Variants in PPARA observed in about 807,000 individuals in gnomAD.
The protein encoded by PPARA is peroxisome proliferator activated receptor alpha.
A neutral mutation model predicts 42.2 loss-of-function variants in PPARA; 22 were observed. That is an observed-to-expected ratio of 0.52 (90% CI 0.37 to 0.74). PPARA has a LOEUF of 0.74. PPARA is among the 30% of genes least tolerant of loss of function. The probability of loss-of-function intolerance (pLI) is 0.00; values close to 1 mark genes in which losing one functional copy is unlikely to be tolerated. For synonymous variants in PPARA, 242 were observed against 239.3 expected (o/e 1.01, Z -0.10); for missense variants, 465 against 608.2 (o/e 0.76, Z 2.48).
chr22:46,223,020 C>A (rs1935119164), intron 7 of PPARA, among the ~76,000 whole-genome samples: 1 of 152,138 alleles, frequency 6.6e-6, no homozygotes, highest in Non-Finnish European at 1.5e-5. Flanking sequence ...ATTATCCAGG[C>A]ATGGTGGCAC....
At chr22:46,220,878 G>A (rs756666157) in intron 7 of PPARA, among the ~76,000 whole-genome samples, 1 of 151,994 alleles carries the variant, frequency 6.6e-6, no homozygotes, top group Non-Finnish European at 1.5e-5. Flanking sequence ...GGGAGGCAGA[G>A]GTTACAGCAA....
intron 2 of PPARA, among the ~76,000 whole-genome samples, chr22:46,174,051 G>A (rs868093919): frequency 6.6e-6 from 1 of 151,152 alleles, no homozygotes; most frequent in African/African-American, 2.4e-5. Context: ...GGTGGTGCAC[G>A]TCTGTAGTCC....
At chr22:46,207,269 C>T (rs1397913881) in intron 4 of PPARA, among the ~76,000 whole-genome samples, 1 of 145,458 alleles carries the variant, frequency 6.9e-6, no homozygotes, top group East Asian at 2.0e-4. Context: ...TGTGATTCTA[C>T]ATTGGCAATT....
chr22:46,185,956 T>TATAC (rs1930724998), intron 3 of PPARA, among the ~76,000 whole-genome samples: 4 of 56,380 alleles, frequency 7.1e-5, no homozygotes, highest in African/African-American at 2.7e-4. Flanking sequence ...TATATATATA[T>TATAC]ATATATATAC....
At position 46,172,148 on chromosome 22, in the gene PPARA, C is replaced by A. The variant is rs114723297; in HGVS notation, c.-126-4605C>A. Among the ~76,000 whole-genome samples, 555 of 152,044 alleles carry A rather than the reference C, an allele frequency of 3.7e-3. 3 individuals carry two copies. Among genetic ancestry groups the A allele is most frequent in the African/African-American group, 0.013 (541 of 41,448 alleles). On this transcript the variant is annotated intron_variant, in intron 2 of 8. Transcript: ENST00000407236. Reference sequence around the variant, plus strand: ...AGCCATGCTCGAGAAGAGCCCATCCCCAGGAGGTGATCAGGGTTCTCCTTC... The same window carrying A: ...AGCCATGCTCGAGAAGAGCCCATCCACAGGAGGTGATCAGGGTTCTCCTTC...
chr22:46,218,231 G>T lies in PPARA; in HGVS notation c.370-32G>T, dbSNP rs767028190. The T allele has an allele frequency of 2.5e-6, 4 of 1,613,646 alleles. No individual in the cohort carries two copies. The South Asian group carries it at 4.4e-5, about 18-fold the overall frequency. On this transcript the variant is annotated intron_variant, in intron 5 of 8. Coordinates refer to ENST00000407236, the MANE Select transcript of PPARA (RefSeq NM_005036.6). ...GTGCGCTGGTTTCTCAGTGGCCCAGGTCTTTAAATCCACTGTGTATTACCC... is the reference window on the plus strand; with the variant it reads ...GTGCGCTGGTTTCTCAGTGGCCCAGTTCTTTAAATCCACTGTGTATTACCC...
intron 3 of PPARA, among the ~76,000 whole-genome samples, chr22:46,178,090 C>T (rs1929430138): frequency 6.6e-6 from 1 of 152,086 alleles, no homozygotes; most frequent in Non-Finnish European, 1.5e-5. Flanking sequence ...CAGGCACCTA[C>T]CCAAAGAGGC....
At chr22:46,210,139 G>A (rs964015081) in intron 4 of PPARA, among the ~76,000 whole-genome samples, 10 of 151,468 alleles carry the variant, frequency 6.6e-5, no homozygotes, top group South Asian at 4.2e-4. Flanking sequence ...GAGAAACCCC[G>A]TCTCTACAAA....
In PPARA at chr22:46,188,651, CT is replaced by C. The variant is rs1185863353; in HGVS notation, c.-42-9690del. ...GATTAAAGAAAAAAAATACATGCAG[CT>C]GCCATTGAGGGCCTGGCCCACGTGT... is the stretch of plus-strand genomic sequence containing the variant. On this transcript the variant is annotated intron_variant, in intron 3 of 8. Coordinates refer to ENST00000407236, the MANE Select transcript of PPARA (RefSeq NM_005036.6). This position sits in a 1 kb window ranked among gnomAD's most constrained non-coding sequence, Gnocchi z 5.0. The C allele has an allele frequency of 6.6e-6, 1 of 152,218 alleles. No homozygotes were observed. The highest frequency in any genetic ancestry group is 1.9e-4 in the East Asian group (1 of 5,198). 9.4% of individuals were successfully genotyped at this position (152,218 alleles called of 1,614,324 possible).
intron 3 of PPARA, among the ~76,000 whole-genome samples, chr22:46,177,055 A>T (rs1223498254): frequency 6.6e-6 from 1 of 151,904 alleles, no homozygotes; most frequent in Non-Finnish European, 1.5e-5. Context: ...CTACAAATAC[A>T]AAAAAATTAG....
At position 46,173,983 on chromosome 22, in the gene PPARA, T is replaced by C. The variant is rs1298068829; in HGVS notation, c.-126-2770T>C. ...ACTTTGGGAGGCCGAGGTGGGTGGATTGTGAGGTCAGGAGATCGAGACCCT... is the reference window on the plus strand; with the variant it reads ...ACTTTGGGAGGCCGAGGTGGGTGGACTGTGAGGTCAGGAGATCGAGACCCT... On this transcript the variant is annotated intron_variant, in intron 2 of 8. Transcript: ENST00000407236. This position sits in a 1 kb window ranked among gnomAD's most constrained non-coding sequence, Gnocchi z 4.3. 3.3e-5 allele frequency among the ~76,000 whole-genome samples: 5 copies of C among 151,170 alleles called. No homozygotes were observed. The highest frequency in any genetic ancestry group is 5.9e-5 in the Non-Finnish European group (4 of 67,938).
chr22:46,179,786 T>C (rs1177507253), intron 3 of PPARA, among the ~76,000 whole-genome samples: 2 of 152,116 alleles, frequency 1.3e-5, no homozygotes, highest in African/African-American at 4.8e-5. Context: ...AAGTTACACA[T>C]TGGGAAGAAA....
At chr22:46,174,006 C>CGT (rs58871534) in intron 2 of PPARA, among the ~76,000 whole-genome samples, 7 of 149,580 alleles carry the variant, frequency 4.7e-5, no homozygotes, top group African/African-American at 1.7e-4. Flanking sequence ...AGATCGAGAC[C>CGT]CTCTCTACTA....
At chr22:46,207,926 C>T (rs1002995605) in intron 4 of PPARA, among the ~76,000 whole-genome samples, 4 of 151,688 alleles carry the variant, frequency 2.6e-5, no homozygotes, top group African/African-American at 9.7e-5. Context: ...CTCAAGCAAT[C>T]CTCCTACCTC....
chr22:46,215,965 T>C (rs547138453), intron 5 of PPARA, among the ~76,000 whole-genome samples: 1 of 152,132 alleles, frequency 6.6e-6, no homozygotes, highest in African/African-American at 2.4e-5. Flanking sequence ...TGTGGAAAAA[T>C]TGTCTTCCAT....
Position 46,239,205 on chromosome 22 carries a change from G to C in PPARA, c.*3825G>C, listed in dbSNP as rs2060542469. 1 of 152,086 alleles carries C rather than the reference G, an allele frequency of 6.6e-6. No homozygotes were observed. The highest frequency in any genetic ancestry group is 1.5e-5 in the Non-Finnish European group (1 of 68,026). 9.4% of individuals were successfully genotyped at this position (152,086 alleles called of 1,614,324 possible). On this transcript the variant is annotated 3_prime_UTR_variant, in exon 9 of 9. Transcript: ENST00000407236. ...TACACTGGGCCATTTTAGACCCCCA[G>C]GGAAACAGCCTTCCTGGAGCGTTGT...
Position 46,194,606 on chromosome 22 carries a change from T to C in PPARA, c.-42-3736T>C, listed in dbSNP as rs535361138. 3.7e-4 allele frequency among the ~76,000 whole-genome samples: 56 copies of C among 150,022 alleles called. 1 individual carries two copies. The South Asian group carries it at 0.011, about 29-fold the overall frequency. ...TTTTTTTTTGTGACAGAGTCTCGCT[T>C]TGTCACCCAGACTGGAGGGCAGTGG... On this transcript the variant is annotated intron_variant, in intron 3 of 8. Coordinates refer to ENST00000407236, the MANE Select transcript of PPARA (RefSeq NM_005036.6).
intron 2 of PPARA, among the ~76,000 whole-genome samples, chr22:46,154,408 A>G (rs1418370916): frequency 6.6e-6 from 1 of 152,144 alleles, no homozygotes; most frequent in African/African-American, 2.4e-5. Flanking sequence ...GCTTGAGCCC[A>G]GGGCTTCAAG....
Position 46,231,740 on chromosome 22 carries a change from G to C in PPARA, c.712-52G>C. 2 of 1,560,958 alleles carry C rather than the reference G, an allele frequency of 1.3e-6. No individual in the cohort carries two copies. The highest frequency in any genetic ancestry group is 1.8e-6 in the Non-Finnish European group (2 of 1,140,820). The stretch of plus-strand genomic sequence containing the variant: ...TGCTCATTAGTGAGCTGATAGCTGG[G>C]AGCATAGCGCATCCCACATCACCTG... On this transcript the variant is annotated intron_variant, in intron 7 of 8. Transcript: ENST00000407236. This position sits in a 1 kb window ranked among gnomAD's most constrained non-coding sequence, Gnocchi z 7.7.
Sources: gnomAD v4.1 joint callset for allele counts (sites outside exome capture counted in the v4.1 genomes callset) on GRCh38, gnomAD v4.1.1 for gene constraint, Gnocchi (gnomAD v3.1) non-coding constraint, MANE v1.5 for transcripts, NCBI Gene and HGNC (gene_info 2026-07-23, HGNC 2026-07-21) for gene names.